The following ARHGEF40 variants were observed in gnomAD, a reference collection of about 807,000 sequenced individuals.
ARHGEF40 encodes Rho guanine nucleotide exchange factor 40, also known as Rho guanine nucleotide exchange factor (GEF) 40.
ARHGEF40 carries 98 observed loss-of-function variants against 165.9 expected under a neutral mutation model. The ratio of observed to expected loss-of-function variants is 0.59; its 90% CI spans 0.50 to 0.70. ARHGEF40 has a LOEUF of 0.70. Ranked by LOEUF, ARHGEF40 falls within the 30% of genes least tolerant of loss-of-function variation. The pLI is 0.00. For missense variants in ARHGEF40, 1,815 were observed against 1,968.0 expected (o/e 0.92, Z 1.47); for synonymous variants, 792 against 814.3 (o/e 0.97, Z 0.47).
chr14:21,076,283 G>A (rs986198382), intron 5 of ARHGEF40, 77 bp from the exon 6 acceptor site: 106 of 1,214,310 alleles, frequency 8.7e-5, no homozygotes, highest in Non-Finnish European at 1.0e-4. Flanking sequence ...AACAGACCCC[G>A]TATGTCTGCC....
At chr14:21,077,966 C>T (rs1366602747) in intron 8 of ARHGEF40, among the ~76,000 whole-genome samples, 1 of 152,210 alleles carries the variant, frequency 6.6e-6, no homozygotes. Context: ...ATCACAGAAG[C>T]CTTTCTTATC....
chr14:21,075,775 G>A lies in ARHGEF40; in HGVS notation c.1739+10G>A. On this transcript the variant is annotated intron_variant, in intron 5 of 23. Transcript: ENST00000298694. The surrounding 1 kb of genome is among the most constrained non-coding windows in gnomAD (Gnocchi z 4.5). The stretch of plus-strand genomic sequence containing the variant: ...TCCACTCACTGCTCAGGTAACCGAG[G>A]CCCAGTCCTGGCACCCTGGACACTA... 1 of 1,610,642 alleles carries A rather than the reference G, an allele frequency of 6.2e-7. No individual in the cohort carries two copies. The highest frequency in any genetic ancestry group is 1.1e-5 in the South Asian group (1 of 90,744).
chr14:21,062,284 T>C, the ARHGEF40 span, among the ~76,000 whole-genome samples: 65 of 152,322 alleles, frequency 4.3e-4, no homozygotes, highest in African/African-American at 1.5e-3. Flanking sequence ...GTGATTATAT[T>C]TTCCGGTGTT....
In ARHGEF40 at chr14:21,090,001, C is replaced by A; in HGVS notation, c.*993C>A. On this transcript the variant is annotated 3_prime_UTR_variant, in exon 24 of 24. Coordinates refer to ENST00000298694, the MANE Select transcript of ARHGEF40 (RefSeq NM_018071.5). The surrounding 1 kb of genome is among the most constrained non-coding windows in gnomAD (Gnocchi z 4.4). ...AACTCTTTGGGTGATAACTAAGTGT[C>A]TGAAGAGGTGACTATTTCCTGACAG... 4.0e-6 allele frequency: 1 copy of A among 252,902 alleles called. No homozygotes were observed. The highest frequency in any genetic ancestry group is 4.0e-5 in the South Asian group (1 of 24,908). The allele number at this position is 252,902 out of a possible 1,614,324, so 15.7% of individuals were successfully genotyped here.
chr14:21,070,254 G>A (rs1219639920), upstream of ARHGEF40: 3 of 917,482 alleles, frequency 3.3e-6, no homozygotes, highest in Non-Finnish European at 4.2e-6. This position sits in a 1 kb window ranked among gnomAD's most constrained non-coding sequence, Gnocchi z 4.7. Context: ...CCGCGGCCTG[G>A]AAGCCGGAGC....
chr14:21,083,552 G>T (rs1195579189), intron 16 of ARHGEF40, among the ~76,000 whole-genome samples: 9 of 152,044 alleles, frequency 5.9e-5, no homozygotes, highest in Non-Finnish European at 2.9e-5. Flanking sequence ...TCCATCTCAG[G>T]GGAAAAGAAG....
Position 21,073,290 on chromosome 14 carries a change from A to G in ARHGEF40, c.201+48A>G. The G allele has an allele frequency of 6.5e-7, 1 of 1,546,686 alleles. No homozygotes were observed. The highest frequency in any genetic ancestry group is 1.2e-5 in the South Asian group (1 of 84,024). On this transcript the variant is annotated intron_variant, in intron 2 of 23. Transcript: ENST00000298694. This position sits in a 1 kb window ranked among gnomAD's most constrained non-coding sequence, Gnocchi z 4.6. ...TCTGCCTTCCCCAAGATCCACTGCC[A>G]CACTCTACAGACTAGCCAGGCTGAC...
At position 21,075,237 on chromosome 14, in the gene ARHGEF40, G is replaced by T; in HGVS notation, c.1450+57G>T. ...AAGGGCCAAAGCAGGTCGGGCCTAT[G>T]GGAGGGGGCAGGAGGAGGAGCAGGG... is the stretch of plus-strand genomic sequence containing the variant. On this transcript the variant is annotated intron_variant, in intron 3 of 23. Coordinates refer to ENST00000298694, the MANE Select transcript of ARHGEF40 (RefSeq NM_018071.5). This position sits in a 1 kb window ranked among gnomAD's most constrained non-coding sequence, Gnocchi z 4.5. 1 of 1,586,360 alleles carries T rather than the reference G, an allele frequency of 6.3e-7. No homozygotes were observed. The highest frequency in any genetic ancestry group is 8.6e-7 in the Non-Finnish European group (1 of 1,166,924).
chr14:21,087,515 G>GT (rs765732221), intron 21 of ARHGEF40, 52 bp downstream of exon 21: 16 of 1,585,560 alleles, frequency 1.0e-5, no homozygotes, highest in Non-Finnish European at 1.3e-5. Context: ...TGGTGGTGAT[G>GT]TTCAGGCTGC....
chr14:21,070,456 G>A lies in ARHGEF40; in HGVS notation c.3+57G>A. On this transcript the variant is annotated intron_variant, in intron 1 of 23. Transcript: ENST00000298694. This position sits in a 1 kb window ranked among gnomAD's most constrained non-coding sequence, Gnocchi z 4.7. ...CTCGGCCTTCGCGCAGCCCGCTCCG[G>A]GCCCCCAAGTCCTCAGCCTGGTGCC... The A allele has an allele frequency of 7.4e-7, 1 of 1,352,428 alleles. No individual in the cohort carries two copies. The highest frequency in any genetic ancestry group is 9.4e-7 in the Non-Finnish European group (1 of 1,058,572). 83.8% of individuals were successfully genotyped at this position (1,352,428 alleles called of 1,614,324 possible).
At chr14:21,086,868 C>T (rs1182032687) in intron 19 of ARHGEF40, 133 bp from the exon 20 acceptor site, 1 of 667,726 alleles carries the variant, frequency 1.5e-6, no homozygotes, top group Non-Finnish European at 2.5e-6. Context: ...AAAGAGACAT[C>T]AGAGGAATGA....
rs1312369859 is a variant in ARHGEF40, at chr14:21,073,499, C to T, written c.201+257C>T. 6.6e-6 allele frequency among the ~76,000 whole-genome samples: 1 copy of T among 151,908 alleles called. No individual in the cohort carries two copies. The highest frequency in any genetic ancestry group is 1.9e-4 in the East Asian group (1 of 5,184). On this transcript the variant is annotated intron_variant, in intron 2 of 23. Coordinates refer to ENST00000298694, the MANE Select transcript of ARHGEF40 (RefSeq NM_018071.5). This position sits in a 1 kb window ranked among gnomAD's most constrained non-coding sequence, Gnocchi z 4.6. ...AATTCATCTTGACCCCAATACTGAC[C>T]CCCAAAGACCCTAACTCTCCAGACC...
At chr14:21,077,890 C>T (rs1887553945) in intron 8 of ARHGEF40, among the ~76,000 whole-genome samples, 1 of 152,176 alleles carries the variant, frequency 6.6e-6, no homozygotes, top group African/African-American at 2.4e-5. Context: ...AGGAAGGTCA[C>T]AGTTACCAAG....
chr14:21,086,917 A>G (rs1594581929), intron 19 of ARHGEF40, 84 bp from the exon 20 acceptor site: 2 of 1,187,156 alleles, frequency 1.7e-6, no homozygotes, highest in East Asian at 2.6e-5. Context: ...GAAAAAAAAA[A>G]AAAAAGAAAA....
upstream of ARHGEF40, among the ~76,000 whole-genome samples, chr14:21,067,761 TACACAC>T (rs3061993): frequency 7.3e-5 from 11 of 150,126 alleles, no homozygotes; most frequent in South Asian, 1.1e-3. Context: ...TGTACACACG[TACACAC>T]ACACACACAC....
chr14:21,071,980 G>A lies in ARHGEF40; in HGVS notation c.4-1065G>A, dbSNP rs80065473. ...GAAAAATAAGCTATTTTGTTTTATG[G>A]CAAAGGCAAGGTATGGGGGTAGGGA... On this transcript the variant is annotated intron_variant, in intron 1 of 23. Transcript: ENST00000298694. 6.0e-3 allele frequency among the ~76,000 whole-genome samples: 915 copies of A among 152,296 alleles called. 10 individuals are homozygous for A. The highest frequency in any genetic ancestry group is 0.021 in the African/African-American group (860 of 41,548).
At chr14:21,087,670 T>A in intron 21 of ARHGEF40, 1 of 745,368 alleles carries the variant, frequency 1.3e-6, no homozygotes. Flanking sequence ...ACTTCCTCTG[T>A]ACCTCTCTCT....
chr14:21,081,330 C>G, intron 13 of ARHGEF40, 179 bp from the exon 14 acceptor site: 1 of 925,934 alleles, frequency 1.1e-6, no homozygotes, highest in Non-Finnish European at 1.6e-6. Flanking sequence ...GCTCTTCCAT[C>G]TCCATACCAA....
intron 17 of ARHGEF40, 22 bp downstream of exon 17, chr14:21,084,072 C>G: frequency 6.3e-7 from 1 of 1,578,984 alleles, no homozygotes; most frequent in Admixed American, 1.8e-5. Flanking sequence ...GCTCCAGTCA[C>G]TGCTGCTCAA....
Sources: gnomAD v4.1 joint callset for allele counts (sites outside exome capture counted in the v4.1 genomes callset) on GRCh38, gnomAD v4.1.1 for gene constraint, Gnocchi (gnomAD v3.1) non-coding constraint, MANE v1.5 for transcripts, NCBI Gene and HGNC (gene_info 2026-07-23, HGNC 2026-07-21) for gene names.